Variants in LRTM3 observed in about 807,000 individuals in gnomAD.
LRTM3 encodes the protein leucine rich repeat transmembrane protein 3.
At chr13:102,731,116 A>G in the LRTM3 span, 1 of 1,551,304 alleles carries the variant, frequency 6.4e-7, no homozygotes, top group Non-Finnish European at 8.7e-7. Context: ...CACTAGCAGA[A>G]GTCACTGCAG....
chr13:102,733,746 G>C, the LRTM3 span: 1 of 1,551,350 alleles, frequency 6.4e-7, no homozygotes, highest in Non-Finnish European at 8.7e-7. Flanking sequence ...AAAACTAACT[G>C]ATTCAAATCT....
At chr13:102,737,582 T>G in the LRTM3 span, 2 of 1,550,838 alleles carry the variant, frequency 1.3e-6, no homozygotes, top group Non-Finnish European at 1.7e-6. Context: ...CTCTTTAGGA[T>G]TCAGTGGTAG....
the LRTM3 span, chr13:102,742,366 T>C: frequency 0.79 from 1,223,093 of 1,546,496 alleles, 487,550 homozygotes; most frequent in South Asian, 0.86. Flanking sequence ...GAGAAATAGA[T>C]GTGTAGGGAT....
At chr13:102,745,054 C>T in the LRTM3 span, 1 of 1,550,774 alleles carries the variant, frequency 6.4e-7, no homozygotes, top group Non-Finnish European at 8.7e-7. Context: ...GGAGGCATTT[C>T]TTTGTCTCCT....
At chr13:102,738,268 G>T in the LRTM3 span, 1 of 1,550,466 alleles carries the variant, frequency 6.4e-7, no homozygotes, top group Non-Finnish European at 8.7e-7. Flanking sequence ...TTTGTACTTT[G>T]ATTGTGATAT....
the LRTM3 span, chr13:102,758,918 AT>A: frequency 6.6e-7 from 1 of 1,523,834 alleles, no homozygotes; most frequent in Non-Finnish European, 8.9e-7. Context: ...TAAAGGAATA[AT>A]ATTGCTTTGA....
the LRTM3 span, chr13:102,747,091 T>C: frequency 6.4e-7 from 1 of 1,551,136 alleles, no homozygotes; most frequent in East Asian, 2.4e-5. Context: ...TGACGCCTTT[T>C]ACTTCATCTT....
chr13:102,737,929 C>G, the LRTM3 span: 1 of 1,550,944 alleles, frequency 6.4e-7, no homozygotes, highest in South Asian at 1.2e-5. Flanking sequence ...TGTCTCCATC[C>G]ATTTTCCCTT....
At chr13:102,734,432 A>C in the LRTM3 span, 1 of 1,551,234 alleles carries the variant, frequency 6.4e-7, no homozygotes, top group South Asian at 1.2e-5. Flanking sequence ...TCTTTGAATC[A>C]TACCTGGTGG....
At chr13:102,733,485 A>G in the LRTM3 span, 4 of 1,551,186 alleles carry the variant, frequency 2.6e-6, no homozygotes, top group Middle Eastern at 1.7e-4. Flanking sequence ...AGTTCCTTAG[A>G]TATTTTCCTT....
At chr13:102,758,902 C>T in the LRTM3 span, 9 of 1,543,396 alleles carry the variant, frequency 5.8e-6, no homozygotes, top group Non-Finnish European at 7.0e-6. Flanking sequence ...CTCCCTACCC[C>T]TTTTTTAAAG....
At chr13:102,758,596 A>T in the LRTM3 span, 1 of 1,542,872 alleles carries the variant, frequency 6.5e-7, no homozygotes, top group South Asian at 1.2e-5. Flanking sequence ...TGGAAAAAAA[A>T]TTGTTAGAGG....
the LRTM3 span, chr13:102,737,321 A>G: frequency 6.4e-7 from 1 of 1,551,066 alleles, no homozygotes; most frequent in African/African-American, 1.4e-5. Context: ...AGCAGATTTT[A>G]TTATTCCTTG....
chr13:102,741,075 G>A, the LRTM3 span: 1 of 1,549,886 alleles, frequency 6.5e-7, no homozygotes, highest in Non-Finnish European at 8.7e-7. Context: ...TCTTTCTTGG[G>A]ATTTTCAATA....
the LRTM3 span, chr13:102,737,545 C>G: frequency 6.4e-7 from 1 of 1,550,412 alleles, no homozygotes; most frequent in Admixed American, 2.0e-5. Context: ...TCCCTTGCTC[C>G]TGGCCTTCTC....
the LRTM3 span, chr13:102,734,330 G>A: frequency 3.9e-6 from 6 of 1,551,320 alleles, no homozygotes; most frequent in East Asian, 7.3e-5. Context: ...TACAAAGGAT[G>A]TCTTACCTCC....
the LRTM3 span, chr13:102,758,597 T>A: frequency 1.8e-5 from 27 of 1,540,562 alleles, no homozygotes; most frequent in Non-Finnish European, 2.2e-5. Flanking sequence ...GGAAAAAAAA[T>A]TGTTAGAGGA....
At chr13:102,729,786 G>A in the LRTM3 span, 9 of 1,551,678 alleles carry the variant, frequency 5.8e-6, no homozygotes, top group African/African-American at 8.2e-5. Context: ...TTTCTGTCAC[G>A]TTTCCCTTTG....
the LRTM3 span, among the ~76,000 whole-genome samples, chr13:102,752,650 A>G: frequency 1.3e-5 from 2 of 152,208 alleles, no homozygotes; most frequent in African/African-American, 4.8e-5. Flanking sequence ...GTTCTCTCAA[A>G]TTTTAGAGCA....
Sources: allele counts gnomAD v4.1 joint callset (sites outside exome capture counted in the v4.1 genomes callset), GRCh38; gene constraint gnomAD v4.1.1; transcripts MANE v1.5; gene names NCBI Gene and HGNC (gene_info 2026-07-23, HGNC 2026-07-21).